Variants in VPS26C observed in about 807,000 individuals in gnomAD.
The protein encoded by VPS26C is VPS26 endosomal protein sorting factor C, also known as vacuolar protein sorting-associated protein 26C.
Under a neutral mutation model 30.6 loss-of-function variants are expected in VPS26C, and 19 were observed. The ratio of observed to expected loss-of-function variants is 0.62; its 90% CI spans 0.43 to 0.91. The LOEUF (loss-of-function observed/expected upper bound fraction) is 0.91. VPS26C is among the 40% of genes least tolerant of loss of function. VPS26C has a pLI of 0.00. For missense variants in VPS26C, 318 were observed against 385.1 expected (o/e 0.83, Z 1.46); for synonymous variants, 132 against 151.5 (o/e 0.87, Z 0.95).
chr21:37,253,828 C>T (rs894120461), intron 1 of VPS26C, among the ~76,000 whole-genome samples: 17 of 152,262 alleles, frequency 1.1e-4, no homozygotes, highest in South Asian at 4.1e-4. Flanking sequence ...TGGAGCATTT[C>T]GGATTCTGGA....
At chr21:37,245,270 T>C (rs1415462978) in intron 1 of VPS26C, among the ~76,000 whole-genome samples, 1 of 152,084 alleles carries the variant, frequency 6.6e-6, no homozygotes, top group Non-Finnish European at 1.5e-5. Flanking sequence ...TTTCAGCAGC[T>C]CACCATCTCA....
intron 1 of VPS26C, among the ~76,000 whole-genome samples, chr21:37,245,062 C>A (rs2086124014): frequency 6.6e-6 from 1 of 152,206 alleles, no homozygotes; most frequent in African/African-American, 2.4e-5. Context: ...TATTAGAACA[C>A]TCCAGCCAGC....
At chr21:37,232,600 C>A in intron 4 of VPS26C, 149 bp from the exon 5 acceptor site, 1 of 646,430 alleles carries the variant, frequency 1.5e-6, no homozygotes, top group Admixed American at 2.8e-5. Flanking sequence ...GTCCTGAACA[C>A]AGTTCTGTCA....
chr21:37,265,429 C>T (rs774154646), intron 1 of VPS26C, among the ~76,000 whole-genome samples: 5 of 152,148 alleles, frequency 3.3e-5, no homozygotes, highest in Non-Finnish European at 5.9e-5. Flanking sequence ...GCACAGTCTA[C>T]GGCTTGACAC....
chr21:37,239,799 T>C (rs1303558561), intron 2 of VPS26C, among the ~76,000 whole-genome samples: 1 of 152,142 alleles, frequency 6.6e-6, no homozygotes, highest in African/African-American at 2.4e-5. Flanking sequence ...GGTTTTACCA[T>C]GTTAGCCAGG....
rs375877407 is a variant in VPS26C, at chr21:37,255,851, A to ATTTTTTTTTTTTTTTTTTTTTTTTT, written c.57+11386_57+11387insAAAAAAAAAAAAAAAAAAAAAAAAA. Among the ~76,000 whole-genome samples the ATTTTTTTTTTTTTTTTTTTTTTTTT allele has an allele frequency of 3.9e-4, 42 of 108,454 alleles. 6 individuals are homozygous for ATTTTTTTTTTTTTTTTTTTTTTTTT. Among genetic ancestry groups the ATTTTTTTTTTTTTTTTTTTTTTTTT allele is most frequent in the African/African-American group, 1.9e-3 (41 of 21,882 alleles). The allele number at this position is 108,454 out of a possible 152,430, so 71.2% of individuals were successfully genotyped here. On this transcript the variant is annotated intron_variant, in intron 1 of 7. Transcript: ENST00000309117. ...TTTAAAGCCTCATTCTATGCACTGCATTTTTTTTTTTTTTTTTTTTTAGAT... is the reference window on the plus strand; with the variant it reads ...TTTAAAGCCTCATTCTATGCACTGCATTTTTTTTTTTTTTTTTTTTTTTTTTTTTTTTTTTTTTTTTTTTTTAGAT...
Position 37,228,306 on chromosome 21 carries a change from G to T in VPS26C, c.575C>A (p.Pro192Gln). Residue 192 changes from proline (P) to glutamine (Q), a missense_variant, in exon 6 of 8, where the codon CCA (proline) becomes CAA (glutamine). Pro to Gln is a moderately conservative substitution (Grantham distance 76, BLOSUM62 -1). Transcript: ENST00000309117. The part of the protein sequence containing the change: ...LNSTNCVITQ[P>Q]LTGELVVESS... ...CTCCACCACCAGCTCTCCCGTTAGT[G>T]GCTGCGTGATGACACAGTTTGTTGA... is the stretch of plus-strand genomic sequence containing the variant. 6.2e-7 allele frequency: 1 copy of T among 1,614,194 alleles called. No homozygotes were observed. The highest frequency in any genetic ancestry group is 8.5e-7 in the Non-Finnish European group (1 of 1,180,046).
In VPS26C at chr21:37,240,658, CCACCA is replaced by C. The variant is rs752866035; in HGVS notation, c.58-24_58-20del. On this transcript the variant is annotated intron_variant, in intron 1 of 7. Transcript: ENST00000309117. ...GCACTTCCTGGGAGAGAAAAGACAG[CCACCA>C]ATCAAATTAGCATGCTTCCTCCATT... The C allele has an allele frequency of 4.4e-5, 71 of 1,608,004 alleles. No homozygotes were observed. In the African/African-American group the frequency reaches 8.6e-4, roughly 19 times the overall value.
chr21:37,239,818 G>A (rs144465069), intron 2 of VPS26C, among the ~76,000 whole-genome samples: 1,745 of 152,194 alleles, frequency 0.011, 20 homozygotes, highest in Non-Finnish European at 0.018. Flanking sequence ...GGCTGGTCTC[G>A]AACTCCTGAC....
At chr21:37,228,508 GAAGA>G in intron 5 of VPS26C, 135 bp from the exon 6 acceptor site, 1 of 914,340 alleles carries the variant, frequency 1.1e-6, no homozygotes, top group East Asian at 2.7e-5. Flanking sequence ...CACAAAACGG[GAAGA>G]AAGGAGCGAA....
At chr21:37,265,910 CTTTTTTTTTT>C (rs59649054) in intron 1 of VPS26C, among the ~76,000 whole-genome samples, 12 of 77,242 alleles carry the variant, frequency 1.6e-4, no homozygotes, top group African/African-American at 3.9e-4. Flanking sequence ...AGCTTTTTCT[CTTTTTTTTTT>C]TTTTTTTTTT....
chr21:37,265,266 G>T (rs2086346628), intron 1 of VPS26C, among the ~76,000 whole-genome samples: 3 of 152,196 alleles, frequency 2.0e-5, no homozygotes, highest in African/African-American at 7.2e-5. Context: ...TACTTTCAAA[G>T]GGTAAATTTC....
At chr21:37,244,165 C>A (rs1024806566) in intron 1 of VPS26C, among the ~76,000 whole-genome samples, 1 of 152,270 alleles carries the variant, frequency 6.6e-6, no homozygotes, top group African/African-American at 2.4e-5. Context: ...TACTGGCCAC[C>A]TTGCTCTTCT....
At chr21:37,236,222 C>T (rs997001943) in intron 3 of VPS26C, among the ~76,000 whole-genome samples, 3 of 152,072 alleles carry the variant, frequency 2.0e-5, no homozygotes, top group Non-Finnish European at 4.4e-5. Flanking sequence ...GTAAACAGTG[C>T]GGGCCGAGGA....
rs1252191032 is a variant in VPS26C at position 37,248,249 on chromosome 21, G to C, written c.58-7610C>G. Among the ~76,000 whole-genome samples, 6 of 146,276 alleles carry C rather than the reference G, an allele frequency of 4.1e-5. No individual in the cohort carries two copies. In the East Asian group the frequency reaches 1.2e-3, roughly 29 times the overall value. The stretch of plus-strand genomic sequence containing the variant: ...CATAGATCTCTATACCCTGAAAACA[G>C]AGAATATGCTCTTTTCAGTGTCCAT... On this transcript the variant is annotated intron_variant, in intron 1 of 7. Coordinates refer to ENST00000309117, the MANE Select transcript of VPS26C (RefSeq NM_006052.2).
intron 1 of VPS26C, among the ~76,000 whole-genome samples, chr21:37,258,432 A>G (rs1268818939): frequency 6.6e-6 from 1 of 152,208 alleles, no homozygotes; most frequent in East Asian, 1.9e-4. Context: ...TGCGCCGGGC[A>G]TTCCCAGCGC....
chr21:37,255,895 G>C (rs1286753338), intron 1 of VPS26C, among the ~76,000 whole-genome samples: 1 of 136,988 alleles, frequency 7.3e-6, no homozygotes, highest in Non-Finnish European at 1.5e-5. Flanking sequence ...GAGTGCAGTG[G>C]TGCAATCTCA....
chr21:37,227,576 CTG>C, intron 7 of VPS26C, 76 bp downstream of exon 7: 3 of 1,543,780 alleles, frequency 1.9e-6, no homozygotes, highest in Non-Finnish European at 2.7e-6. Flanking sequence ...GTTCTGAGCT[CTG>C]TGACCCACAG....
At chr21:37,248,911 A>C (rs2086165047) in intron 1 of VPS26C, among the ~76,000 whole-genome samples, 1 of 152,174 alleles carries the variant, frequency 6.6e-6, no homozygotes, top group South Asian at 2.1e-4. Context: ...AACCAAGTAG[A>C]ATTCAGTCAA....
Sources: allele counts gnomAD v4.1 joint callset (sites outside exome capture counted in the v4.1 genomes callset), GRCh38; gene constraint gnomAD v4.1.1; transcripts MANE v1.5; gene names NCBI Gene and HGNC (gene_info 2026-07-23, HGNC 2026-07-21).